The following LTBP1 variants were observed in gnomAD, a reference collection of about 807,000 sequenced individuals.
The protein encoded by LTBP1 is latent-transforming growth factor beta-binding protein 1.
A neutral mutation model predicts 207.6 loss-of-function variants in LTBP1; 129 were observed. The observed-to-expected ratio is 0.62, with a 90% CI of 0.54 to 0.72. LTBP1 has a LOEUF of 0.72. Ranked by LOEUF, LTBP1 falls within the 30% of genes least tolerant of loss-of-function variation. LTBP1 has a pLI of 0.00. For missense variants in LTBP1, 2,281 were observed against 2,217.2 expected (o/e 1.03, Z -0.58); for synonymous variants, 963 against 833.7 (o/e 1.16, Z -2.67).
chr2:33,307,938 T>A (rs1478508020), intron 22 of LTBP1, among the ~76,000 whole-genome samples: 1 of 152,164 alleles, frequency 6.6e-6, no homozygotes, highest in East Asian at 1.9e-4. Flanking sequence ...AAAATGAAAT[T>A]CGGTATCACC....
chr2:33,309,387 G>A (rs777732972), intron 22 of LTBP1, 47 bp from the exon 23 acceptor site: 12 of 1,385,312 alleles, frequency 8.7e-6, no homozygotes, highest in South Asian at 5.2e-5. Flanking sequence ...CTAATTTTCC[G>A]ATATGTGATT....
intron 10 of LTBP1, among the ~76,000 whole-genome samples, chr2:33,248,122 G>A (rs899303756): frequency 2.6e-5 from 4 of 152,190 alleles, no homozygotes; most frequent in South Asian, 2.1e-4. Flanking sequence ...TCATGGCACC[G>A]TGGCCCGGAG....
intron 17 of LTBP1, 111 bp downstream of exon 17, chr2:33,275,201 C>A: frequency 2.3e-6 from 3 of 1,291,442 alleles, no homozygotes; most frequent in Non-Finnish European, 3.2e-6. Flanking sequence ...TTTTATTAAA[C>A]AATTATCATG....
At chr2:33,079,574 C>T (rs2078279375) in intron 3 of LTBP1, among the ~76,000 whole-genome samples, 1 of 152,114 alleles carries the variant, frequency 6.6e-6, no homozygotes, top group Non-Finnish European at 1.5e-5. Flanking sequence ...AGATCTGAAC[C>T]TTCTGAAACT....
intron 3 of LTBP1, 152 bp from the exon 4 acceptor site, chr2:33,110,430 G>A: frequency 1.6e-6 from 1 of 625,638 alleles, no homozygotes; most frequent in African/African-American, 1.8e-5. Flanking sequence ...TATGTCATGA[G>A]TGGTCAGCGA....
chr2:33,038,994 C>G (rs2076057322), intron 3 of LTBP1, among the ~76,000 whole-genome samples: 1 of 152,206 alleles, frequency 6.6e-6, no homozygotes, highest in Admixed American at 6.5e-5. Flanking sequence ...AGTTCCCGCC[C>G]TTTGTCTTTT....
intron 9 of LTBP1, among the ~76,000 whole-genome samples, chr2:33,234,254 C>G (rs2091931156): frequency 6.6e-6 from 1 of 152,150 alleles, no homozygotes; most frequent in South Asian, 2.1e-4. Flanking sequence ...ACAGCTTTGT[C>G]TCTAAAGTTG....
intron 10 of LTBP1, among the ~76,000 whole-genome samples, chr2:33,247,957 C>T (rs72858081): frequency 0.015 from 2,310 of 152,344 alleles, 65 homozygotes; most frequent in African/African-American, 0.053. Context: ...CAGAGCACCC[C>T]GGCTGGGAGC....
chr2:33,386,324 A>T (rs1316183208), intron 31 of LTBP1, among the ~76,000 whole-genome samples: 1 of 152,164 alleles, frequency 6.6e-6, no homozygotes, highest in Non-Finnish European at 1.5e-5. Flanking sequence ...GCGTTGCTGT[A>T]GAGTGACAGC....
intron 4 of LTBP1, among the ~76,000 whole-genome samples, chr2:33,122,180 G>A (rs2150402871): frequency 6.6e-6 from 1 of 152,046 alleles, no homozygotes; most frequent in East Asian, 1.9e-4. Context: ...AGCTTCGTTC[G>A]AGAGGAATTG....
In LTBP1 at chr2:33,257,486, C is replaced by T. The variant is rs534721377; in HGVS notation, c.2370C>T (p.His790=). 318 of 1,614,140 alleles carry T rather than the reference C, an allele frequency of 2.0e-4. 1 individual carries two copies. Among genetic ancestry groups the T allele is most frequent in the South Asian group, 1.0e-3 (91 of 91,088 alleles). The stretch of plus-strand genomic sequence containing the variant: ...AGGCCCTGACCTTCTCCCGGGAACA[C>T]GGGCCAGGAGTGGCGGAGCCAGAAG... ...PVEALTFSRE[H]GPGVAEPEVA... Residue 790 remains histidine (H), a synonymous_variant, in exon 12 of 34, where the codon CAC becomes CAT. Transcript: ENST00000404816.
intron 2 of LTBP1, among the ~76,000 whole-genome samples, chr2:33,015,051 T>A (rs1688185317): frequency 6.6e-6 from 1 of 151,874 alleles, no homozygotes; most frequent in African/African-American, 2.4e-5. Context: ...GGACTCAATC[T>A]CCTAAGTGCC....
At chr2:33,098,606 AT>A (rs998227500) in intron 3 of LTBP1, among the ~76,000 whole-genome samples, 107 of 142,748 alleles carry the variant, frequency 7.5e-4, no homozygotes, top group Admixed American at 9.1e-4. Flanking sequence ...TGAATTTTGT[AT>A]TTTTTTTTTT....
intron 23 of LTBP1, 117 bp downstream of exon 23, chr2:33,309,673 A>G (rs919826039): frequency 1.4e-5 from 17 of 1,206,644 alleles, no homozygotes; most frequent in East Asian, 7.6e-5. Context: ...ATTTATGTCA[A>G]TTTTTGATAT....
chr2:33,375,926 C>G (rs2095134705), intron 31 of LTBP1, among the ~76,000 whole-genome samples: 1 of 151,692 alleles, frequency 6.6e-6, no homozygotes, highest in Admixed American at 6.6e-5. Flanking sequence ...TTTCAACTTT[C>G]ACATTTTATC....
In LTBP1 at chr2:33,066,010, A is replaced by C. The variant is rs1450685406; in HGVS notation, c.864-44572A>C. Among the ~76,000 whole-genome samples the C allele has an allele frequency of 2.0e-5, 3 of 151,712 alleles. No individual in the cohort carries two copies. In the East Asian group the frequency reaches 5.8e-4, roughly 29 times the overall value. On this transcript the variant is annotated intron_variant, in intron 3 of 33. Coordinates refer to ENST00000404816, the MANE Select transcript of LTBP1 (RefSeq NM_206943.4). ...TGGCTGTTTGCATTTTTTTCCTCCTATTTTCCGGCCAGTTTTCTATTAGAT... is the reference window on the plus strand; with the variant it reads ...TGGCTGTTTGCATTTTTTTCCTCCTCTTTTCCGGCCAGTTTTCTATTAGAT...
chr2:33,313,328 A>G (rs2094214032), intron 23 of LTBP1, among the ~76,000 whole-genome samples: 1 of 152,244 alleles, frequency 6.6e-6, no homozygotes, highest in Admixed American at 6.5e-5. Flanking sequence ...TTCAAGATTA[A>G]TAAAGGAAGA....
intron 20 of LTBP1, among the ~76,000 whole-genome samples, chr2:33,299,856 A>G (rs1431151910): frequency 6.6e-6 from 1 of 152,202 alleles, no homozygotes; most frequent in East Asian, 1.9e-4. Flanking sequence ...TTGTCAAAGC[A>G]TGTTTAAAAA....
intron 7 of LTBP1, among the ~76,000 whole-genome samples, chr2:33,201,342 T>C (rs2089237474): frequency 6.6e-6 from 1 of 151,974 alleles, no homozygotes; most frequent in African/African-American, 2.4e-5. Context: ...AGGGATGAAA[T>C]TGGAAATCAT....
Sources: gnomAD v4.1 joint callset for allele counts (sites outside exome capture counted in the v4.1 genomes callset) on GRCh38, gnomAD v4.1.1 for gene constraint, MANE v1.5 for transcripts, NCBI Gene and HGNC (gene_info 2026-07-23, HGNC 2026-07-21) for gene names.